The following PCDHA1 variants were observed in gnomAD, a reference collection of about 807,000 sequenced individuals.
The protein encoded by PCDHA1 is protocadherin alpha-1.
A neutral mutation model predicts 61.3 loss-of-function variants in PCDHA1; 42 were observed. That is an observed-to-expected ratio of 0.69 (90% CI 0.54 to 0.89). The LOEUF (loss-of-function observed/expected upper bound fraction) is 0.89, where lower values mean the gene tolerates loss of function less well. Ranked by LOEUF, PCDHA1 falls within the 40% of genes least tolerant of loss-of-function variation. PCDHA1 has a pLI of 0.00. For missense variants in PCDHA1, 1,256 were observed against 1,235.3 expected, an observed-to-expected ratio of 1.02 and a Z score of -0.25; for synonymous variants, 610 against 553.8, an observed-to-expected ratio of 1.10 and a Z score of -1.43.
Position 140,788,636 on chromosome 5 carries a change from G to T in PCDHA1, c.2346G>T (p.Thr782=), listed in dbSNP as rs1554118312. 7 of 1,603,552 alleles carry T rather than the reference G, an allele frequency of 4.4e-6. No individual in the cohort carries two copies. Among genetic ancestry groups the T allele is most frequent in the Non-Finnish European group, 6.0e-6 (7 of 1,174,486 alleles). The change falls in exon 1 of 4, where the codon ACG becomes ACT. Residue 782 remains threonine (T), a synonymous_variant. Transcript: ENST00000504120. The part of the protein sequence containing the change: ...FSPGLSPSLN[T]SERNEQPEAN... ...CAGGCCTATCTCCAAGTCTTAACAC[G>T]TCAGAAAGAAATGAACAACCAGAAG... is the stretch of plus-strand genomic sequence containing the variant.
At chr5:140,856,660 T>A in intron 1 of PCDHA1, 1 of 1,597,974 alleles carries the variant, frequency 6.3e-7, no homozygotes, top group South Asian at 1.1e-5. Flanking sequence ...GTGAAGAAAA[T>A]CCTCAGCTAA....
At chr5:140,968,921 T>C (rs111394602) in intron 1 of PCDHA1, 34 of 1,614,098 alleles carry the variant, frequency 2.1e-5, no homozygotes, top group Non-Finnish European at 2.6e-5. Context: ...GTCTTTTATA[T>C]TTCTTTTGAC....
chr5:140,999,183 AG>A (rs1233229901), intron 3 of PCDHA1, among the ~76,000 whole-genome samples: 2 of 152,200 alleles, frequency 1.3e-5, no homozygotes, highest in East Asian at 1.9e-4. Flanking sequence ...TGATGGGGAG[AG>A]GGTCCTTGGA....
intron 1 of PCDHA1, chr5:140,834,672 G>C (rs2150223944): frequency 8.1e-6 from 13 of 1,614,118 alleles, no homozygotes; most frequent in Middle Eastern, 1.6e-4. Context: ...GGAGCTGTGC[G>C]GGCGGAGCGC....
At chr5:140,972,754 CCCAAG>C (rs1290105832) in intron 1 of PCDHA1, among the ~76,000 whole-genome samples, 1 of 151,316 alleles carries the variant, frequency 6.6e-6, no homozygotes, top group African/African-American at 2.4e-5. Context: ...ACCTCCGCCT[CCCAAG>C]TTAAAGTGAT....
At chr5:140,852,752 C>A in intron 1 of PCDHA1, 1 of 983,714 alleles carries the variant, frequency 1.0e-6, no homozygotes, top group Non-Finnish European at 1.2e-6. Context: ...TAAACTTGGA[C>A]CCAGGTATCT....
In PCDHA1 at chr5:140,786,216, T is replaced by C. The variant is rs1437448493; in HGVS notation, c.-75T>C. The C allele has an allele frequency of 6.7e-7, 1 of 1,496,688 alleles. No homozygotes were observed. The highest frequency in any genetic ancestry group is 2.3e-5 in the East Asian group (1 of 44,076). 92.7% of individuals were successfully genotyped at this position (1,496,688 alleles called of 1,614,324 possible). A position where few individuals can be genotyped will look rare whatever the true frequency, so the allele number is the denominator to read the frequency against. On this transcript the variant is annotated 5_prime_UTR_variant, in exon 1 of 4. An upstream start codon of the reference 5' UTR is lost. Transcript: ENST00000504120. ...AAGACAGAAACGGTAAAGAGATAAA[T>C]GATTGGAAATATTAGATAAAATGGC...
At chr5:140,802,994 A>C in intron 1 of PCDHA1, 1 of 1,614,016 alleles carries the variant, frequency 6.2e-7, no homozygotes, top group Non-Finnish European at 8.5e-7. Context: ...CAGTGGATGC[A>C]GACTCAGGCT....
chr5:140,984,599 C>T (rs1415361733), intron 3 of PCDHA1, among the ~76,000 whole-genome samples: 1 of 152,162 alleles, frequency 6.6e-6, no homozygotes, highest in Non-Finnish European at 1.5e-5. Context: ...TCAATACATA[C>T]CTCTGCATCA....
Position 140,850,629 on chromosome 5 carries a change from G to T in PCDHA1, c.2394+61945G>T, listed in dbSNP as rs2150491518. On this transcript the variant is annotated intron_variant, in intron 1 of 3. Transcript: ENST00000504120. ...CATCTGCGCGGTGTCTAGCCTGTTG[G>T]TTCTCACGCTGCTGCTGTACACTGT... is the stretch of plus-strand genomic sequence containing the variant. 44 of 1,598,620 alleles carry T rather than the reference G, an allele frequency of 2.8e-5. 2 individuals carry two copies. The East Asian group carries it at 9.4e-4, about 34-fold the overall frequency.
intron 1 of PCDHA1, chr5:140,842,539 G>A (rs182995378): frequency 1.2e-6 from 2 of 1,610,436 alleles, no homozygotes; most frequent in African/African-American, 1.3e-5. Context: ...ATTACTACTC[G>A]TTGGTGCTGG....
intron 1 of PCDHA1, chr5:140,875,247 A>G (rs1427742475): frequency 2.1e-6 from 2 of 962,258 alleles, no homozygotes; most frequent in Non-Finnish European, 2.9e-6. Context: ...TTACATAATC[A>G]GTCACATGAT....
chr5:140,843,674 G>A (rs2150364800), intron 1 of PCDHA1: 16 of 1,592,324 alleles, frequency 1.0e-5, no homozygotes, highest in Middle Eastern at 1.7e-4. Context: ...ATCAGTTGAT[G>A]TAGGCGAAGA....
At chr5:140,819,845 C>T (rs1413889296) in intron 1 of PCDHA1, among the ~76,000 whole-genome samples, 2 of 151,922 alleles carry the variant, frequency 1.3e-5, no homozygotes, top group African/African-American at 2.4e-5. Context: ...GACTTTTTCT[C>T]CATTGAGTAT....
At chr5:140,953,948 C>A (rs1012464637) in intron 1 of PCDHA1, among the ~76,000 whole-genome samples, 2 of 152,092 alleles carry the variant, frequency 1.3e-5, no homozygotes, top group Non-Finnish European at 2.9e-5. Context: ...CATTGCTCCC[C>A]CAACAGGCCC....
chr5:140,802,995 G>C, intron 1 of PCDHA1: 1 of 1,614,060 alleles, frequency 6.2e-7, no homozygotes, highest in Non-Finnish European at 8.5e-7. Flanking sequence ...AGTGGATGCA[G>C]ACTCAGGCTA....
intron 1 of PCDHA1, among the ~76,000 whole-genome samples, chr5:140,962,537 A>G (rs1554226101): frequency 6.6e-6 from 1 of 152,208 alleles, no homozygotes; most frequent in Non-Finnish European, 1.5e-5. Context: ...TTTTAGAACT[A>G]AAAATGTAGA....
intron 1 of PCDHA1, chr5:140,834,498 G>A (rs2150219814): frequency 6.2e-7 from 1 of 1,614,130 alleles, no homozygotes; most frequent in East Asian, 2.2e-5. Flanking sequence ...CCCCGAGGAG[G>A]CTAAACATGG....
chr5:140,807,664 T>C (rs781787509), intron 1 of PCDHA1: 1 of 1,614,224 alleles, frequency 6.2e-7, no homozygotes, highest in East Asian at 2.2e-5. Context: ...GCGCCTCGGA[T>C]GCAGATATCG....
Sources: gnomAD v4.1 joint callset for allele counts (sites outside exome capture counted in the v4.1 genomes callset) on GRCh38, gnomAD v4.1.1 for gene constraint, MANE v1.5 for transcripts, NCBI Gene and HGNC (gene_info 2026-07-23, HGNC 2026-07-21) for gene names.